The following NFATC2 variants were observed in gnomAD, a reference collection of about 807,000 sequenced individuals.
NFATC2 encodes the protein nuclear factor of activated T cells 2.
NFATC2 carries 22 observed loss-of-function variants against 87.3 expected under a neutral mutation model. That is an observed-to-expected ratio of 0.25 (90% CI 0.18 to 0.36). The LOEUF (loss-of-function observed/expected upper bound fraction) is 0.36, where lower values mean the gene tolerates loss of function less well. Among genes scored for constraint, NFATC2 ranks in the 10% least tolerant of loss-of-function variants. NFATC2 has a pLI of 1.00. For missense variants in NFATC2, 1,149 were observed against 1,259.1 expected, an observed-to-expected ratio of 0.91 and a Z score of 1.32; for synonymous variants, 565 against 542.2, an observed-to-expected ratio of 1.04 and a Z score of -0.58.
intron 3 of NFATC2, among the ~76,000 whole-genome samples, chr20:51,506,255 C>CTGA (rs1452147044): frequency 6.6e-6 from 1 of 152,242 alleles, no homozygotes; most frequent in Non-Finnish European, 1.5e-5. Context: ...CTCAATGCCT[C>CTGA]TGAGCCTTGG....
At chr20:51,561,480 A>AAAGC (rs1376232080) in intron 1 of NFATC2, among the ~76,000 whole-genome samples, 7 of 111,194 alleles carry the variant, frequency 6.3e-5, no homozygotes, top group African/African-American at 2.6e-4. Context: ...AGAAAGAAAG[A>AAAGC]AAGAAAGCAA....
At chr20:51,400,604 A>G (rs1051714872) in intron 9 of NFATC2, among the ~76,000 whole-genome samples, 1 of 152,160 alleles carries the variant, frequency 6.6e-6, no homozygotes, top group Admixed American at 6.5e-5. Context: ...CTGTTTAGTC[A>G]TAGAGTTTCA....
chr20:51,439,325 G>A (rs116629068), intron 6 of NFATC2, among the ~76,000 whole-genome samples: 2,336 of 152,316 alleles, frequency 0.015, 64 homozygotes, highest in African/African-American at 0.054. Flanking sequence ...TACAGGGGAG[G>A]ACACCAGGCA....
intron 1 of NFATC2, among the ~76,000 whole-genome samples, chr20:51,556,041 C>T (rs1459923549): frequency 2.6e-5 from 4 of 152,126 alleles, no homozygotes; most frequent in East Asian, 1.9e-4. Flanking sequence ...CAGCTGTCCC[C>T]GTGAGAAGAG....
intron 2 of NFATC2, among the ~76,000 whole-genome samples, chr20:51,520,124 A>G (rs2076420382): frequency 6.6e-6 from 1 of 152,184 alleles, no homozygotes; most frequent in Non-Finnish European, 1.5e-5. Flanking sequence ...GAGGAACTAA[A>G]GGACTCTGAC....
rs1985871907 is a variant in NFATC2, at chr20:51,387,317, A to C, written c.*4179T>G. On this transcript the variant is annotated 3_prime_UTR_variant, in exon 11 of 11. Coordinates refer to ENST00000371564, the MANE Select transcript of NFATC2 (RefSeq NM_012340.5). ...GCTGTGAGCACCTGCTCTAATGGAAACAACATCATTTGCATCCATTCCATT... is the reference window on the plus strand; with the variant it reads ...GCTGTGAGCACCTGCTCTAATGGAACCAACATCATTTGCATCCATTCCATT... 6.6e-6 allele frequency: 1 copy of C among 152,224 alleles called. No homozygotes were observed. Among genetic ancestry groups the C allele is most frequent in the Non-Finnish European group, 1.5e-5 (1 of 68,034 alleles). 9.4% of individuals were successfully genotyped at this position (152,224 alleles called of 1,614,324 possible).
rs966255150 is a variant in NFATC2, at chr20:51,389,667, C to T, written c.*1829G>A. 2 of 152,104 alleles carry T rather than the reference C, an allele frequency of 1.3e-5. No homozygotes were observed. The highest frequency in any genetic ancestry group is 1.3e-4 in the Admixed American group (2 of 15,264). The allele number at this position is 152,104 out of a possible 1,614,324, so 9.4% of individuals were successfully genotyped here. On this transcript the variant is annotated 3_prime_UTR_variant, in exon 11 of 11. Transcript: ENST00000371564. ...TCAGGGAAAAATAAATGCTAGGTAT[C>T]GACCGACAGGTTGCATACAAGTGCA...
At chr20:51,495,500 A>AAG (rs1465743568) in intron 3 of NFATC2, among the ~76,000 whole-genome samples, 3 of 152,358 alleles carry the variant, frequency 2.0e-5, no homozygotes, top group South Asian at 4.1e-4. Flanking sequence ...GTAAATGCCC[A>AAG]AGAGAGAACT....
rs566323851 is a variant in NFATC2, at chr20:51,453,724, G to A, written c.1849+824C>T. On this transcript the variant is annotated intron_variant, in intron 6 of 10. Transcript: ENST00000371564. ...TCTCAGAGCAAGGAAATGCAAAGTA[G>A]AAAGAAGTACCAATTCCACAATGAT... is the stretch of plus-strand genomic sequence containing the variant. 3.9e-5 allele frequency among the ~76,000 whole-genome samples: 6 copies of A among 152,286 alleles called. 1 individual carries two copies. Among genetic ancestry groups the A allele is most frequent in the African/African-American group, 1.2e-4 (5 of 41,552 alleles).
At chr20:51,557,260 A>G (rs2076986642) in intron 1 of NFATC2, among the ~76,000 whole-genome samples, 1 of 152,154 alleles carries the variant, frequency 6.6e-6, no homozygotes, top group South Asian at 2.1e-4. Flanking sequence ...AGTAGGGAAA[A>G]GATGATCGCC....
chr20:51,545,873 G>A (rs1165298161), upstream of NFATC2, among the ~76,000 whole-genome samples: 3 of 152,170 alleles, frequency 2.0e-5, no homozygotes, highest in Non-Finnish European at 4.4e-5. Flanking sequence ...ATGAAAGAGT[G>A]AATGTGTTGC....
At chr20:51,405,689 G>A (rs998029791) in intron 9 of NFATC2, among the ~76,000 whole-genome samples, 6 of 152,132 alleles carry the variant, frequency 3.9e-5, no homozygotes, top group Non-Finnish European at 8.8e-5. Flanking sequence ...CTCATCTACT[G>A]CTGTATCCCC....
intron 9 of NFATC2, among the ~76,000 whole-genome samples, chr20:51,427,979 T>G (rs889060191): frequency 2.0e-5 from 3 of 152,164 alleles, no homozygotes; most frequent in Non-Finnish European, 4.4e-5. Flanking sequence ...GTTCACTTAG[T>G]GGATCCCTAA....
chr20:51,476,644 T>C (rs534549358), intron 3 of NFATC2, among the ~76,000 whole-genome samples: 3 of 152,326 alleles, frequency 2.0e-5, no homozygotes, highest in African/African-American at 7.2e-5. Flanking sequence ...GATGTTTGTC[T>C]AGTTAATTTG....
intron 6 of NFATC2, among the ~76,000 whole-genome samples, chr20:51,446,897 G>A (rs1420348723): frequency 2.0e-5 from 3 of 152,120 alleles, no homozygotes; most frequent in African/African-American, 4.8e-5. Context: ...CCCCAGCCCT[G>A]TCTGGAGTCT....
At chr20:51,549,699 T>C (rs891214557) in intron 1 of NFATC2, among the ~76,000 whole-genome samples, 1 of 152,188 alleles carries the variant, frequency 6.6e-6, no homozygotes, top group Admixed American at 6.5e-5. Context: ...ATGAATTAGA[T>C]AATACCTGAG....
intron 3 of NFATC2, among the ~76,000 whole-genome samples, chr20:51,499,220 A>T (rs1357328916): frequency 3.3e-5 from 5 of 152,118 alleles, no homozygotes; most frequent in African/African-American, 7.2e-5. Flanking sequence ...GGAGCAGATG[A>T]ATGAAGGGTG....
At chr20:51,540,663 T>TTTTTGTTTG (rs1555818357) in intron 1 of NFATC2, among the ~76,000 whole-genome samples, 1,588 of 135,782 alleles carry the variant, frequency 0.012, 20 homozygotes, top group Middle Eastern at 0.034. Flanking sequence ...TTTTTGTTTT[T>TTTTTGTTTG]TTTTTTTTGA....
At chr20:51,498,530 G>T (rs1044281648) in intron 3 of NFATC2, among the ~76,000 whole-genome samples, 4 of 152,224 alleles carry the variant, frequency 2.6e-5, no homozygotes, top group Non-Finnish European at 5.9e-5. Flanking sequence ...AGGCATGGTG[G>T]CTCACGCCTG....
Sources: gnomAD v4.1 joint callset for allele counts (sites outside exome capture counted in the v4.1 genomes callset) on GRCh38, gnomAD v4.1.1 for gene constraint, MANE v1.5 for transcripts, NCBI Gene and HGNC (gene_info 2026-07-23, HGNC 2026-07-21) for gene names.